Variants in RNF150 observed in about 807,000 individuals in gnomAD.
RNF150 encodes ring finger protein 150.
In RNF150, 24 loss-of-function variants were observed where a neutral mutation model predicts 39.3. The ratio of observed to expected loss-of-function variants is 0.61; its 90% CI spans 0.44 to 0.86. RNF150 has a LOEUF of 0.86. RNF150 is among the 40% of genes least tolerant of loss of function. The pLI, the probability that RNF150 is intolerant of heterozygous loss-of-function variation, is 0.00. For synonymous variants in RNF150, 255 were observed against 227.3 expected, an observed-to-expected ratio of 1.12 and a Z score of -1.10; for missense variants, 502 against 587.8, an observed-to-expected ratio of 0.85 and a Z score of 1.51.
At position 140,861,340 on chromosome 4, in the gene RNF150, GAAGT is replaced by G. The variant is rs1253840409; in HGVS notation, c.*6917_*6920del. ...CAACATTATCCTTCAACATTTTGCA[GAAGT>G]AAGGGCTGCTGACAGTGAGAAGATC... On this transcript the variant is annotated 3_prime_UTR_variant, in exon 7 of 7. Transcript: ENST00000515673. The G allele has an allele frequency of 2.6e-5, 4 of 152,202 alleles. No homozygotes were observed. The highest frequency in any genetic ancestry group is 1.9e-4 in the East Asian group (1 of 5,194). The allele number at this position is 152,202 out of a possible 1,614,324, so 9.4% of individuals were successfully genotyped here. A position where few individuals can be genotyped will look rare whatever the true frequency, so the allele number is the denominator to read the frequency against.
intron 1 of RNF150, among the ~76,000 whole-genome samples, chr4:141,067,659 A>G (rs1737515206): frequency 6.6e-6 from 1 of 152,186 alleles, no homozygotes; most frequent in Non-Finnish European, 1.5e-5. Flanking sequence ...TCGACCAATC[A>G]ATACCACCTC....
chr4:141,081,643 G>A (rs955226344), intron 1 of RNF150, among the ~76,000 whole-genome samples: 2 of 152,188 alleles, frequency 1.3e-5, no homozygotes, highest in African/African-American at 4.8e-5. Flanking sequence ...AGGTCTGTGA[G>A]GTCCACAATA....
At chr4:140,914,732 G>A (rs1358157170) in intron 5 of RNF150, among the ~76,000 whole-genome samples, 1 of 152,138 alleles carries the variant, frequency 6.6e-6, no homozygotes, top group East Asian at 1.9e-4. Context: ...GATAATAAAG[G>A]ACTCCCCACT....
intron 1 of RNF150, among the ~76,000 whole-genome samples, chr4:141,062,015 A>G (rs1034006721): frequency 7.9e-5 from 12 of 152,296 alleles, no homozygotes; most frequent in African/African-American, 2.9e-4. Context: ...AAATGTTTTA[A>G]GTACACTAAA....
At chr4:140,988,348 C>T (rs551289377) in intron 1 of RNF150, among the ~76,000 whole-genome samples, 4 of 152,228 alleles carry the variant, frequency 2.6e-5, no homozygotes, top group East Asian at 3.9e-4. Context: ...ATGGAATCAA[C>T]CTAGGTGTCC....
intron 1 of RNF150, among the ~76,000 whole-genome samples, chr4:141,098,313 G>A (rs1738878554): frequency 6.6e-6 from 1 of 152,178 alleles, no homozygotes; most frequent in Non-Finnish European, 1.5e-5. Context: ...CTCGGCCTCT[G>A]CCCTTGCCAG....
chr4:141,184,099 G>A (rs1727960443), intron 1 of RNF150, among the ~76,000 whole-genome samples: 1 of 152,136 alleles, frequency 6.6e-6, no homozygotes, highest in African/African-American at 2.4e-5. Flanking sequence ...TTCCACAATG[G>A]TTGAACTAAT....
At chr4:141,137,748 G>A (rs765461037), upstream of RNF150, among the ~76,000 whole-genome samples, 1 of 152,138 alleles carries the variant, frequency 6.6e-6, no homozygotes, top group Non-Finnish European at 1.5e-5. Context: ...ATACACAATC[G>A]CCAAATTACT....
At chr4:141,058,123 G>A (rs1737063275) in intron 1 of RNF150, among the ~76,000 whole-genome samples, 1 of 152,004 alleles carries the variant, frequency 6.6e-6, no homozygotes, top group South Asian at 2.1e-4. Context: ...ATACATCCCT[G>A]TTAAAATGAC....
intron 1 of RNF150, among the ~76,000 whole-genome samples, chr4:141,106,826 T>C (rs955386084): frequency 3.9e-5 from 6 of 152,018 alleles, no homozygotes; most frequent in Admixed American, 6.6e-5. Context: ...TTATTCCATC[T>C]ACAATATTCT....
chr4:140,955,405 T>C (rs904884362), intron 2 of RNF150, among the ~76,000 whole-genome samples: 1 of 152,170 alleles, frequency 6.6e-6, no homozygotes, highest in Admixed American at 6.5e-5. Flanking sequence ...CCCAGCTCTT[T>C]GTCCTATTTT....
At position 140,947,621 on chromosome 4, in the gene RNF150, A is replaced by G. The variant is rs747198510; in HGVS notation, c.890+33T>C. ...CACGCAGGCACGCTCCACACACACAACCCAATCAAAAGCAGGCAGCCTAGT... is the reference window on the plus strand; with the variant it reads ...CACGCAGGCACGCTCCACACACACAGCCCAATCAAAAGCAGGCAGCCTAGT... On this transcript the variant is annotated intron_variant, in intron 4 of 6. Transcript: ENST00000515673. 11 of 1,557,498 alleles carry G rather than the reference A, an allele frequency of 7.1e-6. No homozygotes were observed. The East Asian group carries it at 2.5e-4, about 35-fold the overall frequency.
chr4:141,187,462 C>G (rs766780956), intron 1 of RNF150, among the ~76,000 whole-genome samples: 4 of 152,172 alleles, frequency 2.6e-5, no homozygotes, highest in Admixed American at 1.3e-4. Flanking sequence ...GTTAAAGTCT[C>G]TCACTATTAT....
intron 1 of RNF150, among the ~76,000 whole-genome samples, chr4:141,049,241 T>C (rs1201219062): frequency 2.0e-5 from 3 of 150,008 alleles, no homozygotes; most frequent in Non-Finnish European, 3.0e-5. Context: ...CCAGCACAAA[T>C]AAGTATAAGG....
intron 1 of RNF150, among the ~76,000 whole-genome samples, chr4:140,988,342 A>G (rs1288447956): frequency 3.3e-5 from 5 of 152,208 alleles, no homozygotes; most frequent in African/African-American, 1.2e-4. Context: ...AAAGACATGG[A>G]ATCAACCTAG....
intron 1 of RNF150, among the ~76,000 whole-genome samples, chr4:141,123,710 C>T (rs916890521): frequency 2.0e-5 from 3 of 152,106 alleles, no homozygotes; most frequent in African/African-American, 4.8e-5. Context: ...CACCGCCCAA[C>T]CCCACAACAG....
intron 1 of RNF150, among the ~76,000 whole-genome samples, chr4:141,101,534 A>G (rs1360602385): frequency 2.6e-5 from 4 of 152,176 alleles, no homozygotes; most frequent in African/African-American, 9.7e-5. Context: ...TTAATTTTAG[A>G]AATAAATACA....
chr4:141,076,940 A>G (rs1474063098), intron 1 of RNF150, among the ~76,000 whole-genome samples: 1 of 152,070 alleles, frequency 6.6e-6, no homozygotes, highest in East Asian at 1.9e-4. Flanking sequence ...CAGGCACTTG[A>G]TATCAATGGA....
intron 1 of RNF150, among the ~76,000 whole-genome samples, chr4:141,072,318 C>A (rs1737738092): frequency 6.6e-6 from 1 of 152,212 alleles, no homozygotes; most frequent in Non-Finnish European, 1.5e-5. Flanking sequence ...AACTGCATTA[C>A]CATAAACTTT....
Sources: allele counts gnomAD v4.1 joint callset (sites outside exome capture counted in the v4.1 genomes callset), GRCh38; gene constraint gnomAD v4.1.1; transcripts MANE v1.5; gene names NCBI Gene and HGNC (gene_info 2026-07-23, HGNC 2026-07-21).